The following TTLL3 variants were observed in gnomAD, a reference collection of about 807,000 sequenced individuals.
TTLL3 encodes the protein tubulin tyrosine ligase like 3.
TTLL3 carries 63 observed loss-of-function variants against 75.2 expected under a neutral mutation model. That is an observed-to-expected ratio of 0.84 (90% CI 0.68 to 1.03). The LOEUF (loss-of-function observed/expected upper bound fraction) is 1.03, where lower values mean the gene tolerates loss of function less well. TTLL3 is among the 50% of genes least tolerant of loss of function. TTLL3 has a pLI of 0.00. For synonymous variants in TTLL3, 393 were observed against 418.5 expected (o/e 0.94, Z 0.74); for missense variants, 997 against 1,069.9 (o/e 0.93, Z 0.95).
Position 9,817,710 on chromosome 3 carries a change from C to G in TTLL3, c.510C>G (p.Phe170Leu). Residue 170 changes from phenylalanine to leucine, a missense_variant, in exon 6 of 14, where the codon TTC becomes TTG. Phe to Leu is a conservative substitution (Grantham distance 22). Transcript: ENST00000685419. ...ATGAGGTTGATGCCAACTCCTTCTTCCCACGCTGCTACTGCCTGGGGGCTG... is the reference window on the plus strand; with the variant it reads ...ATGAGGTTGATGCCAACTCCTTCTTGCCACGCTGCTACTGCCTGGGGGCTG... ...WFDEVDANSF[F>L]PRCYCLGAED... The G allele has an allele frequency of 6.2e-7, 1 of 1,614,172 alleles. No homozygotes were observed. Among genetic ancestry groups the G allele is most frequent in the South Asian group, 1.1e-5 (1 of 91,086 alleles).
chr3:9,831,765 T>C (rs934190488), intron 11 of TTLL3, among the ~76,000 whole-genome samples: 5 of 152,048 alleles, frequency 3.3e-5, no homozygotes, highest in Admixed American at 1.3e-4. Flanking sequence ...CTGGGGCTAC[T>C]TGGGAGTGCT....
chr3:9,828,431 A>G (rs2081251003), intron 10 of TTLL3: 1 of 154,694 alleles, frequency 6.5e-6, no homozygotes, highest in Non-Finnish European at 1.4e-5. Flanking sequence ...CATATGTGAT[A>G]GTGCTGAGCA....
chr3:9,813,463 CTG>C, intron 4 of TTLL3, 118 bp downstream of exon 4: 1 of 1,210,484 alleles, frequency 8.3e-7, no homozygotes, highest in Admixed American at 2.1e-5. Context: ...GTTTCCCTAT[CTG>C]TAGTAAAAAC....
chr3:9,827,038 G>C lies in TTLL3; in HGVS notation c.1045G>C (p.Val349Leu). 3 of 1,614,206 alleles carry C rather than the reference G, an allele frequency of 1.9e-6. No individual in the cohort carries two copies. Among genetic ancestry groups the C allele is most frequent in the Non-Finnish European group, 2.5e-6 (3 of 1,180,034 alleles). The change falls in exon 10 of 14, where the codon GTG (valine) becomes CTG (leucine). Residue 349 changes from valine to leucine, a missense_variant. Coordinates refer to ENST00000685419, the MANE Select transcript of TTLL3 (RefSeq NM_001387446.1). ...MDHLEEMLKL[V>L]NGNPVVMKDG... ...CCACCTGGAGGAGATGCTGAAGCTG[G>C]TGAACGGCAACCCCGTGGTGATGAA...
chr3:9,810,091 G>GT, upstream of TTLL3: 1 of 1,431,340 alleles, frequency 7.0e-7, no homozygotes, highest in Non-Finnish European at 9.1e-7. This position sits in a 1 kb window ranked among gnomAD's most constrained non-coding sequence, Gnocchi z 4.4. Flanking sequence ...GTACCGCCAG[G>GT]AGGGCGGCGC....
Position 9,813,253 on chromosome 3 carries a change from G to A in TTLL3, c.223G>A (p.Glu75Lys). Residue 75 changes from glutamate (E) to lysine (K), a missense_variant, in exon 4 of 14, where the codon GAA (glutamate) becomes AAA (lysine). Coordinates refer to ENST00000685419, the MANE Select transcript of TTLL3 (RefSeq NM_001387446.1). ...GDSDTTEDED[E>K]DEDEEFQPSQ... ...TCTGGGCTCTGCATCCACAGAGGAT[G>A]AAGATGAGGACGAGGAGTTCCAGCC... 2 of 1,614,252 alleles carry A rather than the reference G, an allele frequency of 1.2e-6. No homozygotes were observed. Among genetic ancestry groups the A allele is most frequent in the South Asian group, 1.1e-5 (1 of 91,088 alleles).
intron 11 of TTLL3, among the ~76,000 whole-genome samples, chr3:9,832,062 G>A (rs1041399825): frequency 6.3e-5 from 9 of 142,244 alleles, no homozygotes; most frequent in Admixed American, 2.9e-4. Flanking sequence ...GAGAGCCACC[G>A]CGCCCGGCAA....
At chr3:9,833,319 T>G (rs774768956) in intron 12 of TTLL3, 74 bp downstream of exon 12, 2 of 1,568,256 alleles carry the variant, frequency 1.3e-6, no homozygotes, top group Admixed American at 4.1e-5. Flanking sequence ...TGGGGCACAG[T>G]GAGAAGCCAG....
rs751373130 is a variant in TTLL3, at chr3:9,812,976, C to G, written c.82C>G (p.Pro28Ala). ...GATCTTTACAATCCAAGGCTGCTAC[C>G]CGGTGATCCGGTGTCTCTTGCGCCG... ...KKIFTIQGCYPVIRCLLRRRG... is the reference protein window; with the variant it reads ...KKIFTIQGCYAVIRCLLRRRG... Residue 28 changes from proline to alanine, a missense_variant, in exon 3 of 14, where the codon CCG (proline) becomes GCG (alanine). Coordinates refer to ENST00000685419, the MANE Select transcript of TTLL3 (RefSeq NM_001387446.1). 4 of 1,530,154 alleles carry G rather than the reference C, an allele frequency of 2.6e-6. No homozygotes were observed. In the East Asian group the frequency reaches 9.1e-5, roughly 35 times the overall value. The allele number at this position is 1,530,154 out of a possible 1,614,324, so 94.8% of individuals were successfully genotyped here.
intron 9 of TTLL3, among the ~76,000 whole-genome samples, chr3:9,826,746 A>G (rs993379376): frequency 5.3e-4 from 80 of 151,860 alleles, no homozygotes; most frequent in Non-Finnish European, 9.6e-4. Flanking sequence ...AAAAAAAAAA[A>G]AAGTCCAGCA....
chr3:9,817,215 G>A (rs1446346542), intron 5 of TTLL3, among the ~76,000 whole-genome samples: 1 of 152,128 alleles, frequency 6.6e-6, no homozygotes, highest in Non-Finnish European at 1.5e-5. Context: ...ACCAGGTCAG[G>A]AGATCGAGAC....
chr3:9,810,467 C>T lies in TTLL3; in HGVS notation c.-42+73C>T. The T allele has an allele frequency of 1.4e-6, 2 of 1,441,186 alleles. No individual in the cohort carries two copies. Among genetic ancestry groups the T allele is most frequent in the African/African-American group, 1.4e-5 (1 of 69,254 alleles). 89.3% of individuals were successfully genotyped at this position (1,441,186 alleles called of 1,614,324 possible). A position where few individuals can be genotyped will look rare whatever the true frequency, so the allele number is the denominator to read the frequency against. On this transcript the variant is annotated intron_variant, in intron 1 of 13. Coordinates refer to ENST00000685419, the MANE Select transcript of TTLL3 (RefSeq NM_001387446.1). The surrounding 1 kb of genome is among the most constrained non-coding windows in gnomAD (Gnocchi z 4.4). The stretch of plus-strand genomic sequence containing the variant: ...ACGACAAGACGCTGGGGTGGAGGGA[C>T]TGGGGGTCGGGAGAAGAGCGGCTGA...
upstream of TTLL3, chr3:9,810,143 G>C: frequency 1.4e-6 from 2 of 1,474,606 alleles, no homozygotes; most frequent in Non-Finnish European, 1.8e-6. The surrounding 1 kb of genome is among the most constrained non-coding windows in gnomAD (Gnocchi z 4.4). Flanking sequence ...CTCGAGCCAC[G>C]CACCAGTTTC....
intron 9 of TTLL3, among the ~76,000 whole-genome samples, chr3:9,826,725 CAAAAAAAAAAAAAAAA>C (rs36060940): frequency 8.2e-4 from 62 of 75,240 alleles, no homozygotes; most frequent in African/African-American, 3.2e-3. Flanking sequence ...AGGGCTGTCT[CAAAAAAAAAAAAAAAA>C]AAAAAAAGTC....
At chr3:9,814,066 G>A (rs1441723485) in intron 4 of TTLL3, among the ~76,000 whole-genome samples, 1 of 151,962 alleles carries the variant, frequency 6.6e-6, no homozygotes, top group Non-Finnish European at 1.5e-5. Flanking sequence ...TTGGGAGGCC[G>A]AGGCGGGCAG....
At position 9,825,900 on chromosome 3, in the gene TTLL3, G is replaced by C; in HGVS notation, c.955G>C (p.Asp319His). Reference sequence around the variant, plus strand: ...GGTACCCCAGATAGACATGGAAGGGGATCGCAACATCTGGATCGTGAAGCC... The same window carrying C: ...GGTACCCCAGATAGACATGGAAGGGCATCGCAACATCTGGATCGTGAAGCC... Reference protein sequence around the residue: ...AVVPQIDMEGDRNIWIVKPGA... With the variant: ...AVVPQIDMEGHRNIWIVKPGA... The change falls in exon 9 of 14, where the codon GAT (aspartate) becomes CAT (histidine). Residue 319 changes from aspartate to histidine, a missense_variant. Physicochemically the swap from Asp to His is moderately conservative, Grantham distance 81. Coordinates refer to ENST00000685419, the MANE Select transcript of TTLL3 (RefSeq NM_001387446.1). The C allele has an allele frequency of 6.2e-7, 1 of 1,614,184 alleles. No homozygotes were observed. Among genetic ancestry groups the C allele is most frequent in the Non-Finnish European group, 8.5e-7 (1 of 1,180,028 alleles).
Position 9,835,356 on chromosome 3 carries a change from C to T in TTLL3, c.2315C>T (p.Thr772Ile). 6.2e-7 allele frequency: 1 copy of T among 1,614,186 alleles called. No homozygotes were observed. Among genetic ancestry groups the T allele is most frequent in the Non-Finnish European group, 8.5e-7 (1 of 1,180,034 alleles). The change falls in exon 14 of 14, where the codon ACT becomes ATT. Residue 772 changes from threonine to isoleucine, a missense_variant. Thr to Ile is a moderately conservative substitution (Grantham distance 89, BLOSUM62 -1). Coordinates refer to ENST00000685419, the MANE Select transcript of TTLL3 (RefSeq NM_001387446.1). ...GGGAAGCCCCTGCTTCGATTCCCCACTGCCCTTGTCCTGGATCCAACACCA... is the reference window on the plus strand; with the variant it reads ...GGGAAGCCCCTGCTTCGATTCCCCATTGCCCTTGTCCTGGATCCAACACCA... ...KLGKPLLRFP[T>I]ALVLDPTPNK...
At chr3:9,834,120 A>G (rs1316218408) in intron 12 of TTLL3, 9 of 273,978 alleles carry the variant, frequency 3.3e-5, no homozygotes, top group Non-Finnish European at 6.5e-5. Context: ...CTCAAAAAAA[A>G]AAAAAAAAAA....
rs1359998999 is a variant in TTLL3 at position 9,824,868 on chromosome 3, G to A, written c.855-932G>A. 4.0e-5 allele frequency among the ~76,000 whole-genome samples: 6 copies of A among 150,958 alleles called. No individual in the cohort carries two copies. The East Asian group carries it at 7.9e-4, about 20-fold the overall frequency. On this transcript the variant is annotated intron_variant, in intron 8 of 13. Coordinates refer to ENST00000685419, the MANE Select transcript of TTLL3 (RefSeq NM_001387446.1). ...TGATTGTCCTGCCTCAGTCTCCCAA[G>A]TAGCTGGGATTACAGGCACCTGCCA... is the stretch of plus-strand genomic sequence containing the variant.
Sources: gnomAD v4.1 joint callset for allele counts (sites outside exome capture counted in the v4.1 genomes callset) on GRCh38, gnomAD v4.1.1 for gene constraint, Gnocchi (gnomAD v3.1) non-coding constraint, MANE v1.5 for transcripts, NCBI Gene and HGNC (gene_info 2026-07-23, HGNC 2026-07-21) for gene names.